NRG1: variants seen among roughly 807,000 people sequenced by gnomAD.
NRG1 encodes pro-neuregulin-1, membrane-bound isoform.
In NRG1, 18 loss-of-function variants were observed where a neutral mutation model predicts 63.8. The ratio of observed to expected loss-of-function variants is 0.28; its 90% confidence interval spans 0.19 to 0.42. The LOEUF (loss-of-function observed/expected upper bound fraction) is 0.42. Ranked by LOEUF, NRG1 falls within the 10% of genes least tolerant of loss-of-function variation. The pLI is 1.00. For missense variants in NRG1, 762 were observed against 814.7 expected (o/e 0.94, Z 0.79); for synonymous variants, 302 against 301.3 (o/e 1.00, Z -0.02).
At chr8:31,977,102 G>GT (rs1452260341) in intron 1 of NRG1, among the ~76,000 whole-genome samples, 2 of 152,156 alleles carry the variant, frequency 1.3e-5, no homozygotes, top group African/African-American at 2.4e-5. Context: ...AATTACCAAT[G>GT]TAATTTCCTC....
intron 1 of NRG1, among the ~76,000 whole-genome samples, chr8:32,245,514 C>A (rs1172393729): frequency 2.0e-5 from 3 of 152,088 alleles, no homozygotes; most frequent in Non-Finnish European, 4.4e-5. Flanking sequence ...TATCAGTTAC[C>A]TGCAATTTAT....
At chr8:32,378,726 G>A (rs1312474937) in intron 1 of NRG1, among the ~76,000 whole-genome samples, 1 of 151,896 alleles carries the variant, frequency 6.6e-6, no homozygotes, top group Non-Finnish European at 1.5e-5. Context: ...CCAGTAACTC[G>A]TCATTTAATA....
At chr8:32,546,781 C>T (rs984037426), upstream of NRG1, among the ~76,000 whole-genome samples, 3 of 152,166 alleles carry the variant, frequency 2.0e-5, no homozygotes, top group African/African-American at 7.2e-5. Context: ...AACAGAGTTT[C>T]GTTCTTATGA....
chr8:32,361,907 C>G (rs1177514410), intron 1 of NRG1, among the ~76,000 whole-genome samples: 1 of 152,166 alleles, frequency 6.6e-6, no homozygotes, highest in African/African-American at 2.4e-5. Context: ...CCAGTCCTTC[C>G]CCATCCCTCA....
chr8:32,098,124 G>A (rs1830116881), intron 1 of NRG1, among the ~76,000 whole-genome samples: 1 of 139,322 alleles, frequency 7.2e-6, no homozygotes, highest in African/African-American at 2.5e-5. Context: ...TCAGTACGGT[G>A]GGAAGAAACC....
intron 1 of NRG1, among the ~76,000 whole-genome samples, chr8:32,130,070 G>C (rs1462452857): frequency 4.0e-5 from 6 of 151,878 alleles, no homozygotes; most frequent in Non-Finnish European, 8.8e-5. Context: ...GCCATTGAAA[G>C]ACGGCAGTTT....
At chr8:32,319,651 A>T (rs1471242400) in intron 1 of NRG1, among the ~76,000 whole-genome samples, 1 of 152,166 alleles carries the variant, frequency 6.6e-6, no homozygotes, top group Non-Finnish European at 1.5e-5. Context: ...GGATTTTTTT[A>T]AATTAAAAGG....
At position 32,196,115 on chromosome 8, in the gene NRG1, A is replaced by AGTGTG. The variant is rs1554649462; in HGVS notation, c.38-399713_38-399712insGTGTG. ...GTACAAATAATGTGCAGTAAAAACAATGAGTGTGTGTGTGTGTGTGTGTGT... is the reference window on the plus strand; with the variant it reads ...GTACAAATAATGTGCAGTAAAAACAAGTGTGTGAGTGTGTGTGTGTGTGTGTGTGT... On this transcript the variant is annotated intron_variant, in intron 1 of 10. Transcript: ENST00000519301. Among the ~76,000 whole-genome samples, 3 of 83,700 alleles carry AGTGTG rather than the reference A, an allele frequency of 3.6e-5. No individual in the cohort carries two copies. In the East Asian group the frequency reaches 7.9e-4, roughly 22 times the overall value. 54.9% of individuals were successfully genotyped at this position (83,700 alleles called of 152,430 possible).
chr8:31,842,958 G>T (rs1826331174), intron 1 of NRG1, among the ~76,000 whole-genome samples: 1 of 152,050 alleles, frequency 6.6e-6, no homozygotes, highest in South Asian at 2.1e-4. Flanking sequence ...ATGAGAAATG[G>T]CTTGAAGATA....
At chr8:32,299,706 C>A (rs1855364299) in intron 1 of NRG1, among the ~76,000 whole-genome samples, 1 of 152,136 alleles carries the variant, frequency 6.6e-6, no homozygotes, top group South Asian at 2.1e-4. Context: ...GGCGCAAAGG[C>A]ACATCTTACA....
chr8:31,745,479 A>G (rs115371789), intron 1 of NRG1, among the ~76,000 whole-genome samples: 1,997 of 152,106 alleles, frequency 0.013, 47 homozygotes, highest in African/African-American at 0.046. Flanking sequence ...TTTAGGTGAC[A>G]GTAGGACTTA....
In NRG1 at chr8:32,120,911, T is replaced by C. The variant is rs567358291; in HGVS notation, c.38-474917T>C. 3.9e-5 allele frequency among the ~76,000 whole-genome samples: 6 copies of C among 152,126 alleles called. No individual in the cohort carries two copies. The South Asian group carries it at 1.2e-3, about 32-fold the overall frequency. ...TTCTCAAATAGGGCATGGTATAAAC[T>C]CTGCAAGAGGGGAGTTCCATTTGGA... On this transcript the variant is annotated intron_variant, in intron 1 of 10. Coordinates refer to the NRG1 transcript ENST00000519301.
At chr8:31,774,094 G>A (rs1818885164) in intron 1 of NRG1, among the ~76,000 whole-genome samples, 1 of 151,930 alleles carries the variant, frequency 6.6e-6, no homozygotes, top group Non-Finnish European at 1.5e-5. Flanking sequence ...TCTGGCCTGA[G>A]TCAGTCTTTT....
chr8:32,272,660 G>A (rs1295068627), intron 1 of NRG1, among the ~76,000 whole-genome samples: 1 of 152,146 alleles, frequency 6.6e-6, no homozygotes, highest in Non-Finnish European at 1.5e-5. Context: ...GATGCAAGAG[G>A]CTAGTAAGGG....
chr8:32,400,878 T>C (rs561559637), intron 1 of NRG1, among the ~76,000 whole-genome samples: 11 of 152,298 alleles, frequency 7.2e-5, no homozygotes, highest in Non-Finnish European at 1.3e-4. Flanking sequence ...ATAGCAAAGA[T>C]ATGGAATCAG....
intron 1 of NRG1, among the ~76,000 whole-genome samples, chr8:32,220,216 T>C (rs1208652126): frequency 6.6e-6 from 1 of 152,152 alleles, no homozygotes; most frequent in Non-Finnish European, 1.5e-5. Context: ...CAGGAGACAA[T>C]TGTTATTTTT....
At chr8:32,270,729 T>C (rs931949210) in intron 1 of NRG1, among the ~76,000 whole-genome samples, 1 of 152,218 alleles carries the variant, frequency 6.6e-6, no homozygotes, top group Non-Finnish European at 1.5e-5. Context: ...CTTCCTCATA[T>C]TCAGTGACCT....
intron 1 of NRG1, among the ~76,000 whole-genome samples, chr8:31,751,684 C>T (rs1554521602): frequency 6.6e-6 from 1 of 151,854 alleles, no homozygotes; most frequent in Non-Finnish European, 1.5e-5. Flanking sequence ...CTTCAATCAT[C>T]TGGATGAAAC....
At chr8:32,201,276 G>A (rs1290497805) in intron 1 of NRG1, among the ~76,000 whole-genome samples, 1 of 152,106 alleles carries the variant, frequency 6.6e-6, no homozygotes, top group Non-Finnish European at 1.5e-5. Flanking sequence ...CATTTCAGGA[G>A]GAAATGGAAT....
Sources: allele counts gnomAD v4.1 joint callset (sites outside exome capture counted in the v4.1 genomes callset), GRCh38; gene constraint gnomAD v4.1.1; transcripts MANE v1.5; gene names NCBI Gene and HGNC (gene_info 2026-07-23, HGNC 2026-07-21).